IL1RAPL2: variants seen among roughly 807,000 people sequenced by gnomAD.
The protein encoded by IL1RAPL2 is interleukin 1 receptor accessory protein like 2, also known as X-linked interleukin-1 receptor accessory protein-like 2.
Under a neutral mutation model 44.1 loss-of-function variants are expected in IL1RAPL2, and 3 were observed. That is an observed-to-expected ratio of 0.07 (90% confidence interval 0.03 to 0.18). The LOEUF (loss-of-function observed/expected upper bound fraction) is 0.18. IL1RAPL2 is among the 10% of genes least tolerant of loss of function. The probability of loss-of-function intolerance (pLI) is 1.00; values close to 1 mark genes in which losing one functional copy is unlikely to be tolerated. For missense variants in IL1RAPL2, 391 were observed against 496.4 expected, an observed-to-expected ratio of 0.79 and a Z score of 2.02; for synonymous variants, 181 against 178.8, an observed-to-expected ratio of 1.01 and a Z score of -0.10.
chrX:104,982,985 C>G (rs1293526326), intron 2 of IL1RAPL2, among the ~76,000 whole-genome samples: 2 of 111,191 alleles, frequency 1.8e-5, no homozygotes, highest in African/African-American at 6.5e-5. Context: ...TTTATCATCT[C>G]TACCCTCCAT....
intron 1 of IL1RAPL2, among the ~76,000 whole-genome samples, chrX:104,605,493 A>G (rs757754469): frequency 3.6e-5 from 4 of 111,777 alleles, no homozygotes. Flanking sequence ...GGAGATATAG[A>G]CATGAAAAAC....
At chrX:105,049,848 A>G (rs1042849397) in intron 2 of IL1RAPL2, among the ~76,000 whole-genome samples, 1 of 111,082 alleles carries the variant, frequency 9.0e-6, no homozygotes, top group Non-Finnish European at 1.9e-5. Flanking sequence ...ATTGGGGGGA[A>G]ACTATTGATT....
intron 6 of IL1RAPL2, among the ~76,000 whole-genome samples, chrX:105,656,925 A>G (rs772081412): frequency 6.2e-5 from 7 of 112,344 alleles, no homozygotes; most frequent in African/African-American, 9.7e-5. Flanking sequence ...TGGATCACAC[A>G]TAGGTTACAT....
intron 8 of IL1RAPL2, among the ~76,000 whole-genome samples, chrX:105,746,791 A>AAACT (rs1402413539): frequency 9.0e-6 from 1 of 111,618 alleles, no homozygotes; most frequent in Admixed American, 9.6e-5. Flanking sequence ...AATTGCTGAA[A>AAACT]AACTTCCCAT....
chrX:105,271,294 G>A (rs1315369373), intron 5 of IL1RAPL2, among the ~76,000 whole-genome samples: 1 of 112,172 alleles, frequency 8.9e-6, no homozygotes, highest in Non-Finnish European at 1.9e-5. Flanking sequence ...TTCAAAGGCT[G>A]CAGATGCATA....
At chrX:105,605,186 A>T (rs1377538310) in intron 6 of IL1RAPL2, among the ~76,000 whole-genome samples, 3 of 111,366 alleles carry the variant, frequency 2.7e-5, no homozygotes, top group African/African-American at 9.8e-5. Context: ...ACATGATCTT[A>T]TACATATATA....
At chrX:104,574,010 C>T (rs142423384) in intron 1 of IL1RAPL2, among the ~76,000 whole-genome samples, 1,132 of 111,456 alleles carry the variant, frequency 0.01, 16 homozygotes, top group Middle Eastern at 0.024. Flanking sequence ...TATAAAGACA[C>T]TCAAAGATAT....
chrX:105,352,230 G>T (rs1241524315), intron 5 of IL1RAPL2, among the ~76,000 whole-genome samples: 1 of 111,813 alleles, frequency 8.9e-6, no homozygotes, highest in East Asian at 2.8e-4. Context: ...GCACCTAGCT[G>T]CCACCCCGAA....
chrX:105,341,674 G>T (rs980720273), intron 5 of IL1RAPL2, among the ~76,000 whole-genome samples: 6 of 112,055 alleles, frequency 5.4e-5, no homozygotes, highest in Admixed American at 3.8e-4. Context: ...GCTCATGCCT[G>T]TAATCCCAGC....
In IL1RAPL2 at chrX:105,083,647, G is replaced by C. The variant is rs779333582; in HGVS notation, c.83-111828G>C. ...TGCAGAAACTCTACAAGCCAGAAGA[G>C]AGTGGGAGCCAATATTCAACATTCT... is the stretch of plus-strand genomic sequence containing the variant. On this transcript the variant is annotated intron_variant, in intron 2 of 10. Coordinates refer to ENST00000372582, the MANE Select transcript of IL1RAPL2 (RefSeq NM_017416.2). Among the ~76,000 whole-genome samples the C allele has an allele frequency of 9.4e-4, 105 of 112,155 alleles. 1 individual carries two copies. Among genetic ancestry groups the C allele is most frequent in the Non-Finnish European group, 1.1e-3 (58 of 53,232 alleles).
At chrX:105,748,782 AGTTT>A (rs2038571566) in intron 8 of IL1RAPL2, among the ~76,000 whole-genome samples, 174 bp from the exon 9 acceptor site, 1 of 112,480 alleles carries the variant, frequency 8.9e-6, no homozygotes, top group African/African-American at 3.2e-5. Flanking sequence ...AATTTTAAAT[AGTTT>A]ATTTTACAAA....
At chrX:105,581,560 T>G (rs1444233844) in intron 6 of IL1RAPL2, among the ~76,000 whole-genome samples, 1 of 111,849 alleles carries the variant, frequency 8.9e-6, no homozygotes. Context: ...GAATATACCA[T>G]AATTTATTTA....
At chrX:105,613,084 T>C (rs1344818276) in intron 6 of IL1RAPL2, among the ~76,000 whole-genome samples, 1 of 111,547 alleles carries the variant, frequency 9.0e-6, no homozygotes, top group Non-Finnish European at 1.9e-5. Context: ...CCAAAAAAGA[T>C]ACCTTTTGAC....
intron 6 of IL1RAPL2, among the ~76,000 whole-genome samples, chrX:105,574,176 C>T (rs1009836139): frequency 1.8e-5 from 2 of 111,934 alleles, no homozygotes; most frequent in South Asian, 3.7e-4. Context: ...TGAGTTCACT[C>T]GTGACCTTAG....
chrX:105,106,014 G>C (rs1204976466), intron 2 of IL1RAPL2, among the ~76,000 whole-genome samples: 1 of 111,461 alleles, frequency 9.0e-6, no homozygotes, highest in Non-Finnish European at 1.9e-5. Context: ...TAGGCAGAAT[G>C]AAATAACTAA....
At chrX:105,039,131 G>A (rs759119719) in intron 2 of IL1RAPL2, among the ~76,000 whole-genome samples, 3 of 111,628 alleles carry the variant, frequency 2.7e-5, no homozygotes, top group East Asian at 2.8e-4. Flanking sequence ...TTAGAGGGAG[G>A]TCTAAAGATC....
At chrX:105,519,649 A>G (rs772668244) in intron 6 of IL1RAPL2, among the ~76,000 whole-genome samples, 22 of 111,440 alleles carry the variant, frequency 2.0e-4, no homozygotes, top group Non-Finnish European at 3.2e-4. Context: ...TGGGTAGGAC[A>G]GTTTGGGAAG....
chrX:105,763,889 A>G (rs1350331878), intron 10 of IL1RAPL2, among the ~76,000 whole-genome samples: 1 of 111,239 alleles, frequency 9.0e-6, no homozygotes, highest in Non-Finnish European at 1.9e-5. Context: ...TACGAGATTC[A>G]GGGCCCAAGC....
intron 3 of IL1RAPL2, among the ~76,000 whole-genome samples, chrX:105,198,121 AC>A (rs1195147684): frequency 8.9e-6 from 1 of 111,902 alleles, no homozygotes; most frequent in Non-Finnish European, 1.9e-5. Flanking sequence ...ATATATATGT[AC>A]CACATTTTCT....
Sources: gnomAD v4.1 joint callset for allele counts (sites outside exome capture counted in the v4.1 genomes callset) on GRCh38, gnomAD v4.1.1 for gene constraint, MANE v1.5 for transcripts, NCBI Gene and HGNC (gene_info 2026-07-23, HGNC 2026-07-21) for gene names.